RNF149: variants seen among roughly 807,000 people sequenced by gnomAD.
RNF149 encodes E3 ubiquitin-protein ligase RNF149.
In RNF149, 21 loss-of-function variants were observed where a neutral mutation model predicts 39.0. The ratio of observed to expected loss-of-function variants is 0.54; its 90% CI spans 0.38 to 0.77. The LOEUF is 0.77. Ranked by LOEUF, RNF149 falls within the 30% of genes least tolerant of loss-of-function variation. The probability of loss-of-function intolerance (pLI) is 0.00; values close to 1 mark genes in which losing one functional copy is unlikely to be tolerated. For synonymous variants in RNF149, 209 were observed against 213.6 expected (o/e 0.98, Z 0.19); for missense variants, 493 against 534.9 (o/e 0.92, Z 0.77).
chr2:101,295,229 A>T, intron 1 of RNF149, 48 bp from the exon 2 acceptor site: 1 of 1,497,786 alleles, frequency 6.7e-7, no homozygotes, highest in Non-Finnish European at 9.2e-7. Flanking sequence ...AAAATAAGAT[A>T]CAGAGAACAT....
At chr2:101,280,201 A>G (rs1192792) in intron 6 of RNF149, among the ~76,000 whole-genome samples, 9,190 of 146,530 alleles carry the variant, frequency 0.063, 423 homozygotes, top group South Asian at 0.089. Flanking sequence ...TAATAATAAT[A>G]ATGATGATGA....
At chr2:101,279,112 C>CAATA (rs1324323312) in intron 6 of RNF149, among the ~76,000 whole-genome samples, 20 of 152,112 alleles carry the variant, frequency 1.3e-4, no homozygotes, top group African/African-American at 4.8e-4. Context: ...CAGATAAAGT[C>CAATA]AACTTGCTGT....
intron 1 of RNF149, among the ~76,000 whole-genome samples, chr2:101,295,685 C>T (rs1031758815): frequency 2.0e-5 from 3 of 150,412 alleles, no homozygotes; most frequent in African/African-American, 7.3e-5. Context: ...AAGAACTATT[C>T]CCCCAAAAGC....
At position 101,308,240 on chromosome 2, in the gene RNF149, C is replaced by T. The variant is rs1445019683; in HGVS notation, c.349G>A (p.Gly117Ser). The change falls in exon 1 of 7, where the codon GGC becomes AGC. Residue 117 changes from glycine (G) to serine (S), a missense_variant. Coordinates refer to ENST00000295317, the MANE Select transcript of RNF149 (RefSeq NM_173647.4). ...APWVALVARG[G>S]CTFKDKVLVA... Reference sequence around the variant, plus strand: ...AGCACCTTGTCCTTGAAGGTGCAGCCCCCACGAGCCACCAGGGCGACCCAG... The same window carrying T: ...AGCACCTTGTCCTTGAAGGTGCAGCTCCCACGAGCCACCAGGGCGACCCAG... 6.3e-7 allele frequency: 1 copy of T among 1,598,828 alleles called. No individual in the cohort carries two copies. Among genetic ancestry groups the T allele is most frequent in the East Asian group, 2.3e-5 (1 of 43,942 alleles).
intron 1 of RNF149, among the ~76,000 whole-genome samples, chr2:101,307,234 G>A (rs114669207): frequency 0.052 from 7,903 of 152,290 alleles, 323 homozygotes; most frequent in Non-Finnish European, 0.073. Context: ...CCAGGCTGGA[G>A]TGCAGTGGCA....
chr2:101,308,680 C>T lies in RNF149; in HGVS notation c.-92G>A, dbSNP rs1683790414. On this transcript the variant is annotated 5_prime_UTR_variant, in exon 1 of 7. Coordinates refer to ENST00000295317, the MANE Select transcript of RNF149 (RefSeq NM_173647.4). Reference sequence around the variant, plus strand: ...GAGAGAAGCGGACACCCACCGCCGCCCTGGAAGACTGAGGCGGGGTCGGGG... The same window carrying T: ...GAGAGAAGCGGACACCCACCGCCGCTCTGGAAGACTGAGGCGGGGTCGGGG... The T allele has an allele frequency of 8.4e-7, 1 of 1,195,970 alleles. No individual in the cohort carries two copies. The highest frequency in any genetic ancestry group is 1.6e-5 in the African/African-American group (1 of 61,152). The allele number at this position is 1,195,970 out of a possible 1,614,324, so 74.1% of individuals were successfully genotyped here. A position where few individuals can be genotyped will look rare whatever the true frequency, so the allele number is the denominator to read the frequency against.
rs753497296 is a variant in RNF149, at chr2:101,281,923, A to C, written c.1095T>G (p.Ala365=). 1 of 1,614,044 alleles carries C rather than the reference A, an allele frequency of 6.2e-7. No homozygotes were observed. Among genetic ancestry groups the C allele is most frequent in the Admixed American group, 1.7e-5 (1 of 59,986 alleles). ...DDSSPPSASP[A]ESEPQCDPSF... ...TGGGATCACACTGTGGCTCAGATTC[A>C]GCAGGGGAGGCTGATGGTGGACTGC... Residue 365 remains alanine (A), a synonymous_variant, in exon 6 of 7, where the codon GCT becomes GCG. Coordinates refer to ENST00000295317, the MANE Select transcript of RNF149 (RefSeq NM_173647.4).
At chr2:101,306,650 C>G (rs1394278890) in intron 1 of RNF149, among the ~76,000 whole-genome samples, 1 of 152,176 alleles carries the variant, frequency 6.6e-6, no homozygotes, top group Non-Finnish European at 1.5e-5. Flanking sequence ...CAAACACACC[C>G]TACCAACTCT....
intron 5 of RNF149, among the ~76,000 whole-genome samples, chr2:101,283,669 A>G (rs1241779345): frequency 1.3e-5 from 2 of 152,208 alleles, no homozygotes; most frequent in Non-Finnish European, 2.9e-5. Flanking sequence ...TCTGTTCTTC[A>G]AACAATAAAT....
intron 1 of RNF149, among the ~76,000 whole-genome samples, chr2:101,301,049 G>A (rs13031025): frequency 0.39 from 58,880 of 151,984 alleles, 12,028 homozygotes; most frequent in East Asian, 0.53. Context: ...ACTGGATTTC[G>A]TCACAGAAAC....
intron 6 of RNF149, among the ~76,000 whole-genome samples, chr2:101,279,220 C>CAGAATGTATCTGACATTTTGCTGCTTT (rs1682480678): frequency 6.6e-6 from 1 of 152,200 alleles, no homozygotes; most frequent in Admixed American, 6.5e-5. Flanking sequence ...CTGGCTGCTT[C>CAGAATGTATCTGACATTTTGCTGCTTT]AGAATGTATC....
At chr2:101,285,883 T>C (rs190007505) in intron 5 of RNF149, among the ~76,000 whole-genome samples, 198 bp downstream of exon 5, 23 of 152,352 alleles carry the variant, frequency 1.5e-4, no homozygotes, top group Middle Eastern at 6.8e-3. Flanking sequence ...CATATTATTC[T>C]ACCATCATAA....
chr2:101,275,111 G>GTTTTTTTTTTTT (rs1165388203), downstream of RNF149, among the ~76,000 whole-genome samples: 6 of 51,056 alleles, frequency 1.2e-4, 1 homozygote, highest in East Asian at 6.1e-4. Flanking sequence ...TAGTATTTCT[G>GTTTTTTTTTTTT]TTTTTTTTTT....
At position 101,284,350 on chromosome 2, in the gene RNF149, C is replaced by T. The variant is rs113168628; in HGVS notation, c.960+1731G>A. Among the ~76,000 whole-genome samples the T allele has an allele frequency of 3.0e-3, 450 of 152,180 alleles. 2 individuals are homozygous for T. Among genetic ancestry groups the T allele is most frequent in the African/African-American group, 9.7e-3 (403 of 41,508 alleles). The stretch of plus-strand genomic sequence containing the variant: ...ATCTCAGCACTTTGGGAGGCTGAGG[C>T]GGGTGGATCACTTGAGGCCAGGATT... On this transcript the variant is annotated intron_variant, in intron 5 of 6. Transcript: ENST00000295317.
At chr2:101,294,750 C>T (rs1056610254) in intron 2 of RNF149, 181 bp downstream of exon 2, 34 of 595,482 alleles carry the variant, frequency 5.7e-5, no homozygotes, top group Non-Finnish European at 9.6e-5. Context: ...ATCTAATTTC[C>T]CACAAAACAA....
intron 5 of RNF149, among the ~76,000 whole-genome samples, chr2:101,285,686 A>C (rs1682767898): frequency 6.6e-6 from 1 of 152,246 alleles, no homozygotes; most frequent in South Asian, 2.1e-4. Flanking sequence ...TTTGATGTTA[A>C]GTATTGGCTT....
downstream of RNF149, among the ~76,000 whole-genome samples, chr2:101,272,247 G>A (rs1183531419): frequency 1.3e-5 from 2 of 152,154 alleles, no homozygotes; most frequent in African/African-American, 4.8e-5. Context: ...AGTGTTCCCA[G>A]GCTTCTCACT....
At position 101,284,847 on chromosome 2, in the gene RNF149, T is replaced by G. The variant is rs1168182003; in HGVS notation, c.960+1234A>C. On this transcript the variant is annotated intron_variant, in intron 5 of 6. Transcript: ENST00000295317. The stretch of plus-strand genomic sequence containing the variant: ...CTCTATGAAAAACTCTAAAAATATG[T>G]TTAGCAACAAGACTATATTTGATAA... Among the ~76,000 whole-genome samples the G allele has an allele frequency of 3.9e-5, 6 of 152,282 alleles. No individual in the cohort carries two copies. The East Asian group carries it at 1.2e-3, about 29-fold the overall frequency.
chr2:101,291,511 G>A (rs770797139), intron 3 of RNF149, among the ~76,000 whole-genome samples: 71 of 151,504 alleles, frequency 4.7e-4, no homozygotes, highest in Non-Finnish European at 5.4e-4. Context: ...TTGAACTCCT[G>A]GACTCAAGAG....
Sources: gnomAD v4.1 joint callset for allele counts (sites outside exome capture counted in the v4.1 genomes callset) on GRCh38, gnomAD v4.1.1 for gene constraint, MANE v1.5 for transcripts, NCBI Gene and HGNC (gene_info 2026-07-23, HGNC 2026-07-21) for gene names.